Variants in KIFBP observed in about 807,000 individuals in gnomAD.
KIFBP encodes KIF-binding protein.
KIFBP carries 46 observed loss-of-function variants against 58.9 expected under a neutral mutation model. That is an observed-to-expected ratio of 0.78 (90% CI 0.62 to 1.00). KIFBP has a LOEUF of 1.00. Among genes scored for constraint, KIFBP ranks in the 50% least tolerant of loss-of-function variants. The probability of loss-of-function intolerance (pLI) is 0.00; values close to 1 mark genes in which losing one functional copy is unlikely to be tolerated. For missense variants in KIFBP, 651 were observed against 752.9 expected (o/e 0.86, Z 1.58); for synonymous variants, 241 against 283.4 (o/e 0.85, Z 1.50).
intron 1 of KIFBP, chr10:68,991,534 C>A: frequency 2.3e-6 from 1 of 434,826 alleles, no homozygotes; most frequent in South Asian, 1.8e-5. Flanking sequence ...TCCAGAAGCA[C>A]TTGACAAAGC....
chr10:68,995,117 C>G (rs1235054197), intron 1 of KIFBP: 1 of 152,046 alleles, frequency 6.6e-6, no homozygotes, highest in African/African-American at 2.4e-5. Flanking sequence ...TTTCTGGGCT[C>G]AAGCCATCCT....
chr10:68,995,697 A>G (rs1843396359), intron 1 of KIFBP, among the ~76,000 whole-genome samples: 1 of 152,126 alleles, frequency 6.6e-6, no homozygotes, highest in African/African-American at 2.4e-5. Flanking sequence ...ACTTCATTAC[A>G]TGTTTGGCAG....
At chr10:69,010,861 T>A (rs1843582360) in intron 5 of KIFBP, 39 bp from the exon 6 acceptor site, 1 of 1,332,300 alleles carries the variant, frequency 7.5e-7, no homozygotes, top group African/African-American at 1.4e-5. Context: ...AAATTACAGT[T>A]GTGACCATTA....
chr10:68,998,267 C>T (rs1843427689), intron 1 of KIFBP, among the ~76,000 whole-genome samples: 1 of 152,030 alleles, frequency 6.6e-6, no homozygotes, highest in Non-Finnish European at 1.5e-5. Context: ...ATTTTTAAAA[C>T]AAAATGTGTG....
chr10:68,998,313 A>G (rs1262349237), intron 1 of KIFBP, among the ~76,000 whole-genome samples: 1 of 152,352 alleles, frequency 6.6e-6, no homozygotes, highest in Middle Eastern at 3.4e-3. Flanking sequence ...TTAACACATT[A>G]TATAATGTGT....
intron 6 of KIFBP, among the ~76,000 whole-genome samples, chr10:69,014,718 C>CT (rs1444375822): frequency 1.2e-5 from 1 of 86,342 alleles, no homozygotes; most frequent in African/African-American, 3.6e-5. Flanking sequence ...TTTTATTTGC[C>CT]CCCCCCCACC....
intron 2 of KIFBP, among the ~76,000 whole-genome samples, chr10:69,003,531 A>C (rs547215266): frequency 2.0e-5 from 3 of 152,356 alleles, no homozygotes; most frequent in African/African-American, 7.2e-5. Flanking sequence ...TCCTCATAGA[A>C]GTAGAATGAG....
chr10:69,010,773 A>G (rs1843581705), intron 5 of KIFBP, 127 bp from the exon 6 acceptor site: 3 of 694,838 alleles, frequency 4.3e-6, no homozygotes, highest in Non-Finnish European at 2.6e-6. Context: ...CTTTTCCCCA[A>G]GCCCCCTGCT....
intron 5 of KIFBP, among the ~76,000 whole-genome samples, chr10:69,009,529 G>A (rs1843570056): frequency 6.6e-6 from 1 of 152,076 alleles, no homozygotes; most frequent in African/African-American, 2.4e-5. Flanking sequence ...TTGTTCCTCA[G>A]CCTTTCTTTC....
Position 69,011,815 on chromosome 10 carries a change from T to C in KIFBP, c.990+800T>C, listed in dbSNP as rs371497182. ...AAAGGATTCTCCTGCCTCAGCCTCC[T>C]GAGTAGCTGGGATTACAGGTGCCTG... On this transcript the variant is annotated intron_variant, in intron 6 of 6. Coordinates refer to ENST00000361983, the MANE Select transcript of KIFBP (RefSeq NM_015634.4). 1.9e-3 allele frequency among the ~76,000 whole-genome samples: 285 copies of C among 148,910 alleles called. 1 individual carries two copies. Among genetic ancestry groups the C allele is most frequent in the African/African-American group, 6.7e-3 (272 of 40,518 alleles).
chr10:69,003,457 C>T lies in KIFBP; in HGVS notation c.526-1589C>T, dbSNP rs75220899. Among the ~76,000 whole-genome samples, 55 of 152,194 alleles carry T rather than the reference C, an allele frequency of 3.6e-4. No homozygotes were observed. In the East Asian group the frequency reaches 0.011, roughly 29 times the overall value. ...TGTAAAATCATATTTTTATGAAAGACGTTGTTCCTTTTTGAGTTTAATGAA... is the reference window on the plus strand; with the variant it reads ...TGTAAAATCATATTTTTATGAAAGATGTTGTTCCTTTTTGAGTTTAATGAA... On this transcript the variant is annotated intron_variant, in intron 2 of 6. Transcript: ENST00000361983.
rs769950460 is a variant in KIFBP, at chr10:69,015,627, G to GA, written c.1083dup (p.Ala362SerfsTer8). ...AACTAGATGAGGAGGAAAGCATTCG[G>GA]AAAAAAGCTGTGCAGTTTGGAACCG... On this transcript the variant is annotated frameshift_variant, in exon 7 of 7. Transcript: ENST00000361983. LOFTEE classifies it high-confidence loss of function. 304 of 1,613,786 alleles carry GA rather than the reference G, an allele frequency of 1.9e-4. No individual in the cohort carries two copies. The highest frequency in any genetic ancestry group is 2.5e-4 in the Non-Finnish European group (294 of 1,179,958).
intron 2 of KIFBP, among the ~76,000 whole-genome samples, chr10:69,004,351 A>C (rs1843507517): frequency 1.3e-5 from 2 of 151,808 alleles, no homozygotes; most frequent in African/African-American, 4.8e-5. Context: ...TGGGCAACAG[A>C]GCAAGACCCC....
intron 6 of KIFBP, 188 bp downstream of exon 6, chr10:69,011,203 G>A (rs1843585776): frequency 1.8e-6 from 1 of 565,018 alleles, no homozygotes. Context: ...GGGAGGCAGA[G>A]GCTGCGTGAG....
chr10:68,990,773 C>A (rs1204645511), intron 1 of KIFBP, among the ~76,000 whole-genome samples: 1 of 152,016 alleles, frequency 6.6e-6, no homozygotes, highest in South Asian at 2.1e-4. Flanking sequence ...GATTGTATCA[C>A]TGCACTCCAG....
intron 1 of KIFBP, among the ~76,000 whole-genome samples, chr10:68,996,044 A>G (rs1056995632): frequency 2.0e-5 from 3 of 151,772 alleles, no homozygotes; most frequent in African/African-American, 7.3e-5. Flanking sequence ...TGTAATCCCA[A>G]TTGCTCAGGA....
intron 1 of KIFBP, among the ~76,000 whole-genome samples, chr10:68,992,254 A>G (rs1177328536): frequency 1.3e-5 from 2 of 152,224 alleles, no homozygotes; most frequent in East Asian, 3.9e-4. Context: ...CCAGCCTCCC[A>G]AAGTGTTGGG....
intron 6 of KIFBP, among the ~76,000 whole-genome samples, chr10:69,012,957 G>A (rs1408837561): frequency 2.0e-5 from 3 of 152,000 alleles, no homozygotes; most frequent in Non-Finnish European, 2.9e-5. Context: ...TTAACAGGAA[G>A]CATGACTAGG....
Position 69,016,858 on chromosome 10 carries a change from T to G in KIFBP, c.*442T>G. On this transcript the variant is annotated 3_prime_UTR_variant, in exon 7 of 7. Coordinates refer to ENST00000361983, the MANE Select transcript of KIFBP (RefSeq NM_015634.4). ...TCCTAAATTCCCCCCACCCAAAATC[T>G]TTCCCTTTTGAAAATACTAAAAACT... 1 of 155,622 alleles carries G rather than the reference T, an allele frequency of 6.4e-6. No individual in the cohort carries two copies. Among genetic ancestry groups the G allele is most frequent in the Non-Finnish European group, 1.4e-5 (1 of 70,230 alleles). 9.6% of individuals were successfully genotyped at this position (155,622 alleles called of 1,614,324 possible).
Sources: gnomAD v4.1 joint callset for allele counts (sites outside exome capture counted in the v4.1 genomes callset) on GRCh38, gnomAD v4.1.1 for gene constraint, MANE v1.5 for transcripts, NCBI Gene and HGNC (gene_info 2026-07-23, HGNC 2026-07-21) for gene names.